The following ADAM12 variants were observed in gnomAD, a reference collection of about 807,000 sequenced individuals.
ADAM12 encodes disintegrin and metalloproteinase domain-containing protein 12.
ADAM12 carries 70 observed loss-of-function variants against 106.4 expected under a neutral mutation model. The observed-to-expected ratio is 0.66, with a 90% CI of 0.54 to 0.80. The LOEUF is 0.80. Ranked by LOEUF, ADAM12 falls within the 30% of genes least tolerant of loss-of-function variation. ADAM12 has a pLI of 0.00. For synonymous variants in ADAM12, 420 were observed against 433.5 expected, an observed-to-expected ratio of 0.97 and a Z score of 0.39; for missense variants, 1,010 against 1,171.9, an observed-to-expected ratio of 0.86 and a Z score of 2.02.
rs1242304078 is a variant in ADAM12, at chr10:126,035,994, G to A, written c.2529+152C>T. The stretch of plus-strand genomic sequence containing the variant: ...CCAGGCACCAAACTAACTGCTTTAT[G>A]TGGATTATCTCATTTAACCATCTGA... On this transcript the variant is annotated intron_variant, in intron 21 of 22. Coordinates refer to ENST00000448723, the MANE Select transcript of ADAM12 (RefSeq NM_001288973.2). The A allele has an allele frequency of 2.0e-5, 12 of 592,902 alleles. No homozygotes were observed. In the South Asian group the frequency reaches 4.8e-4, roughly 24 times the overall value. 36.7% of individuals were successfully genotyped at this position (592,902 alleles called of 1,614,324 possible).
chr10:126,288,133 G>A lies in ADAM12; in HGVS notation c.187-9145C>T, dbSNP rs1274324681. Reference sequence around the variant, plus strand: ...ACAAGCAGAGGGTCCTCTGACCTGCGGGCTGTCTGCTTGCCTCACCCTAGG... The same window carrying A: ...ACAAGCAGAGGGTCCTCTGACCTGCAGGCTGTCTGCTTGCCTCACCCTAGG... On this transcript the variant is annotated intron_variant, in intron 2 of 22. Transcript: ENST00000448723. 5.3e-5 allele frequency among the ~76,000 whole-genome samples: 8 copies of A among 152,188 alleles called. No individual in the cohort carries two copies. In the South Asian group the frequency reaches 8.3e-4, roughly 16 times the overall value.
intron 3 of ADAM12, among the ~76,000 whole-genome samples, chr10:126,168,174 C>A (rs1280811540): frequency 6.6e-6 from 1 of 152,198 alleles, no homozygotes; most frequent in African/African-American, 2.4e-5. Context: ...TTCTTACTCA[C>A]TTCTGAGGCC....
At position 126,015,413 on chromosome 10, in the gene ADAM12, A is replaced by G. The variant is rs1953645105; in HGVS notation, c.*1866T>C. 6.6e-6 allele frequency: 1 copy of G among 152,228 alleles called. No individual in the cohort carries two copies. The highest frequency in any genetic ancestry group is 1.5e-5 in the Non-Finnish European group (1 of 68,028). 9.4% of individuals were successfully genotyped at this position (152,228 alleles called of 1,614,324 possible). On this transcript the variant is annotated 3_prime_UTR_variant, in exon 23 of 23. Coordinates refer to ENST00000448723, the MANE Select transcript of ADAM12 (RefSeq NM_001288973.2). ...TATATATATGTTTGGCTTTAGTACA[A>G]TTACCAAGTGTAATCAGTTACAGTA... is the stretch of plus-strand genomic sequence containing the variant.
At chr10:126,082,630 C>T (rs1955250449) in intron 11 of ADAM12, among the ~76,000 whole-genome samples, 1 of 152,078 alleles carries the variant, frequency 6.6e-6, no homozygotes, top group Non-Finnish European at 1.5e-5. Context: ...CTCGGCCTCC[C>T]AAAGTGCTGG....
chr10:126,219,621 A>T (rs914028920), intron 3 of ADAM12, among the ~76,000 whole-genome samples: 5 of 152,220 alleles, frequency 3.3e-5, no homozygotes, highest in African/African-American at 1.2e-4. Context: ...GTTGAATATA[A>T]TAGTTTATAA....
At chr10:126,144,899 A>C (rs1295218618) in intron 4 of ADAM12, among the ~76,000 whole-genome samples, 1 of 152,174 alleles carries the variant, frequency 6.6e-6, no homozygotes, top group Admixed American at 6.5e-5. Context: ...CAGCTGGTTA[A>C]GTGCTCGAGC....
At chr10:126,281,585 A>G (rs185643689) in intron 2 of ADAM12, among the ~76,000 whole-genome samples, 1 of 152,328 alleles carries the variant, frequency 6.6e-6, no homozygotes, top group East Asian at 1.9e-4. Flanking sequence ...GGAGAAACCA[A>G]TAGAGAGGGA....
intron 1 of ADAM12, among the ~76,000 whole-genome samples, chr10:126,385,176 C>T (rs1856620454): frequency 1.3e-5 from 2 of 152,196 alleles, no homozygotes; most frequent in Non-Finnish European, 2.9e-5. Flanking sequence ...CTTCTGTGTC[C>T]TCTCTAGATA....
chr10:126,142,724 G>A (rs1429426333), intron 4 of ADAM12, among the ~76,000 whole-genome samples: 1 of 152,210 alleles, frequency 6.6e-6, no homozygotes, highest in Non-Finnish European at 1.5e-5. Context: ...GGGTACCGCA[G>A]AGCCTCATTA....
At chr10:126,132,528 C>CA (rs897143383) in intron 5 of ADAM12, among the ~76,000 whole-genome samples, 2 of 139,978 alleles carry the variant, frequency 1.4e-5, no homozygotes, top group Non-Finnish European at 3.1e-5. Flanking sequence ...ATGAACACCC[C>CA]CCCCCCCTCA....
rs954002870 is a variant in ADAM12, at chr10:126,117,035, C to T, written c.603+1003G>A. On this transcript the variant is annotated intron_variant, in intron 6 of 22. Transcript: ENST00000448723. ...TCGGACAGTCAAATATAAGCACAAG[C>T]GACATCCTATCTATAAATTTTCTTG... is the stretch of plus-strand genomic sequence containing the variant. 7.2e-5 allele frequency among the ~76,000 whole-genome samples: 11 copies of T among 152,108 alleles called. No homozygotes were observed. In the East Asian group the frequency reaches 7.7e-4, roughly 11 times the overall value.
chr10:126,133,603 G>A (rs2133672314), intron 5 of ADAM12, among the ~76,000 whole-genome samples: 1 of 152,240 alleles, frequency 6.6e-6, no homozygotes, highest in Middle Eastern at 3.4e-3. Flanking sequence ...CTGTAAAAAT[G>A]TGAAGTCAGA....
At chr10:126,093,349 T>C (rs543895852) in intron 11 of ADAM12, among the ~76,000 whole-genome samples, 1 of 152,304 alleles carries the variant, frequency 6.6e-6, no homozygotes, top group Admixed American at 6.5e-5. Context: ...CTTGCTCTTT[T>C]CTGGTTGAAC....
intron 3 of ADAM12, among the ~76,000 whole-genome samples, chr10:126,193,682 A>C (rs1957545087): frequency 6.6e-6 from 1 of 152,182 alleles, no homozygotes; most frequent in African/African-American, 2.4e-5. Flanking sequence ...GGATCACATG[A>C]GGTCAGGGGT....
At chr10:126,065,105 A>G (rs1954840476) in intron 13 of ADAM12, 104 bp from the exon 14 acceptor site, 1 of 1,203,658 alleles carries the variant, frequency 8.3e-7, no homozygotes, top group African/African-American at 1.5e-5. Flanking sequence ...AGTCCCACAT[A>G]AGGGGTGAGG....
intron 3 of ADAM12, among the ~76,000 whole-genome samples, chr10:126,191,777 G>C (rs1367609242): frequency 6.6e-6 from 1 of 152,186 alleles, no homozygotes; most frequent in Non-Finnish European, 1.5e-5. Flanking sequence ...CTAATAACTA[G>C]CTCTATTAGT....
chr10:126,206,132 A>G (rs1252186679), intron 3 of ADAM12, among the ~76,000 whole-genome samples: 2 of 152,338 alleles, frequency 1.3e-5, no homozygotes, highest in East Asian at 3.9e-4. Context: ...TAACTAGACC[A>G]CAAAACCCTC....
intron 3 of ADAM12, among the ~76,000 whole-genome samples, chr10:126,163,780 C>A (rs1956977847): frequency 6.6e-6 from 1 of 152,202 alleles, no homozygotes; most frequent in African/African-American, 2.4e-5. Context: ...CTTCCTCCCA[C>A]ACTGGGTTGA....
At position 126,049,174 on chromosome 10, in the gene ADAM12, G is replaced by A; in HGVS notation, c.1917+79C>T. 1.3e-6 allele frequency: 2 copies of A among 1,570,856 alleles called. No individual in the cohort carries two copies. Among genetic ancestry groups the A allele is most frequent in the Admixed American group, 1.7e-5 (1 of 59,568 alleles). On this transcript the variant is annotated intron_variant, in intron 16 of 22. Transcript: ENST00000448723. This position sits in a 1 kb window ranked among gnomAD's most constrained non-coding sequence, Gnocchi z 4.4. ...AGATTTAGGAAAACCAACAAACCTT[G>A]TAACCCAGTTCTTGCTGTTTTTCAA...
Sources: gnomAD v4.1 joint callset for allele counts (sites outside exome capture counted in the v4.1 genomes callset) on GRCh38, gnomAD v4.1.1 for gene constraint, Gnocchi (gnomAD v3.1) non-coding constraint, MANE v1.5 for transcripts, NCBI Gene and HGNC (gene_info 2026-07-23, HGNC 2026-07-21) for gene names.